The following SIK3 variants were observed in gnomAD, a reference collection of about 807,000 sequenced individuals.
SIK3 encodes serine/threonine-protein kinase SIK3.
In SIK3, 28 loss-of-function variants were observed where a neutral mutation model predicts 144.2. That is an observed-to-expected ratio of 0.19 (90% confidence interval 0.14 to 0.27). The LOEUF is 0.27. SIK3 is among the 10% of genes least tolerant of loss of function. SIK3 has a pLI of 1.00. For missense variants in SIK3, 1,319 were observed against 1,776.0 expected, an observed-to-expected ratio of 0.74 and a Z score of 4.62; for synonymous variants, 686 against 676.3, an observed-to-expected ratio of 1.01 and a Z score of -0.22.
intron 1 of SIK3, among the ~76,000 whole-genome samples, chr11:117,044,955 C>G (rs534421937): frequency 6.6e-6 from 1 of 152,136 alleles, no homozygotes; most frequent in Admixed American, 6.5e-5. Context: ...ATAACATCGG[C>G]AAATCAGCCA....
At chr11:117,006,424 A>T (rs1367518910) in intron 1 of SIK3, among the ~76,000 whole-genome samples, 1 of 151,866 alleles carries the variant, frequency 6.6e-6, no homozygotes, top group Non-Finnish European at 1.5e-5. Flanking sequence ...CTCCACTTGG[A>T]GACTACTCAA....
intron 3 of SIK3, among the ~76,000 whole-genome samples, chr11:116,943,159 C>A (rs1948406444): frequency 6.7e-6 from 1 of 148,304 alleles, no homozygotes; most frequent in African/African-American, 2.6e-5. Context: ...TCTAAATTAC[C>A]AGTAAAAGAC....
intron 1 of SIK3, among the ~76,000 whole-genome samples, chr11:117,022,773 C>T (rs1951830108): frequency 6.6e-6 from 1 of 151,302 alleles, no homozygotes; most frequent in East Asian, 1.9e-4. Context: ...ATTAGTCTCT[C>T]ATAGTCATCA....
intron 15 of SIK3, 92 bp from the exon 16 acceptor site, chr11:116,863,910 G>A (rs1297679663): frequency 6.7e-6 from 9 of 1,348,322 alleles, no homozygotes; most frequent in East Asian, 4.9e-5. Flanking sequence ...ACATAAAGAC[G>A]GCTGGCTGCC....
intron 1 of SIK3, among the ~76,000 whole-genome samples, chr11:117,031,521 T>TTTTA (rs1952260655): frequency 1.3e-5 from 1 of 78,262 alleles, no homozygotes; most frequent in South Asian, 3.1e-4. Context: ...ATTTTATTTT[T>TTTTA]ATTTTATTTA....
chr11:116,854,881 A>C (rs1169921860), intron 21 of SIK3, among the ~76,000 whole-genome samples: 1 of 151,996 alleles, frequency 6.6e-6, no homozygotes, highest in Non-Finnish European at 1.5e-5. Flanking sequence ...ACTTGAAGTC[A>C]GGAGTTCAAG....
At chr11:116,912,996 T>C (rs1946425178) in intron 4 of SIK3, among the ~76,000 whole-genome samples, 1 of 152,218 alleles carries the variant, frequency 6.6e-6, no homozygotes, top group Admixed American at 6.5e-5. Flanking sequence ...AAATCTGCTT[T>C]TCCTATATAA....
intron 1 of SIK3, among the ~76,000 whole-genome samples, chr11:117,021,928 CAAAAAAAAAAAAAAAAAAAAA>C (rs71037444): frequency 2.5e-4 from 15 of 59,008 alleles, no homozygotes; most frequent in East Asian, 1.3e-3. Context: ...TCTGTCTCTA[CAAAAAAAAAAAAAAAAAAAAA>C]AAAAAAAAAA....
intron 3 of SIK3, 43 bp downstream of exon 3, chr11:116,954,001 G>C: frequency 2.6e-6 from 4 of 1,528,304 alleles, no homozygotes; most frequent in Non-Finnish European, 2.7e-6. Context: ...GTTTGCCATA[G>C]TGTGCTCAAT....
At chr11:116,976,213 T>A (rs1482556590) in intron 1 of SIK3, among the ~76,000 whole-genome samples, 2 of 152,242 alleles carry the variant, frequency 1.3e-5, no homozygotes, top group African/African-American at 4.8e-5. Context: ...AATTTTGATG[T>A]AGTCCATTTA....
At chr11:116,880,697 T>C (rs549329104) in intron 6 of SIK3, among the ~76,000 whole-genome samples, 8 of 152,292 alleles carry the variant, frequency 5.3e-5, no homozygotes, top group South Asian at 4.1e-4. Context: ...ACGAGGGGAA[T>C]AGATGCTCTC....
At chr11:116,997,138 A>T (rs1453626228) in intron 1 of SIK3, among the ~76,000 whole-genome samples, 1 of 152,172 alleles carries the variant, frequency 6.6e-6, no homozygotes, top group African/African-American at 2.4e-5. Flanking sequence ...TTATTATTAG[A>T]TTACCTCTTT....
intron 3 of SIK3, among the ~76,000 whole-genome samples, chr11:116,936,395 CAAA>C (rs1947923151): frequency 6.6e-6 from 1 of 152,134 alleles, no homozygotes; most frequent in Non-Finnish European, 1.5e-5. Context: ...AGGCTGGTCT[CAAA>C]CTCTTTACCT....
At chr11:116,977,956 C>A (rs1950007030) in intron 1 of SIK3, among the ~76,000 whole-genome samples, 1 of 152,200 alleles carries the variant, frequency 6.6e-6, no homozygotes, top group Non-Finnish European at 1.5e-5. Flanking sequence ...CGGTGGCTCA[C>A]GCCTGTAATC....
chr11:117,025,433 A>G (rs928807391), intron 1 of SIK3, among the ~76,000 whole-genome samples: 3 of 152,160 alleles, frequency 2.0e-5, no homozygotes, highest in South Asian at 2.1e-4. Flanking sequence ...GTGAATAATC[A>G]TATCTATGCC....
intron 3 of SIK3, among the ~76,000 whole-genome samples, chr11:116,952,215 A>G (rs1185348839): frequency 6.6e-6 from 1 of 152,110 alleles, no homozygotes; most frequent in Non-Finnish European, 1.5e-5. Flanking sequence ...AGCCTGAACA[A>G]TATAGTGAGA....
intron 6 of SIK3, among the ~76,000 whole-genome samples, chr11:116,885,507 C>A (rs1457295678): frequency 6.6e-6 from 1 of 152,160 alleles, no homozygotes; most frequent in African/African-American, 2.4e-5. Context: ...TGAAAAGATC[C>A]TGGCTTGCTA....
intron 1 of SIK3, among the ~76,000 whole-genome samples, chr11:117,032,416 T>C (rs1327824952): frequency 1.3e-5 from 2 of 152,234 alleles, no homozygotes; most frequent in African/African-American, 2.4e-5. Context: ...TTCTTTTGAT[T>C]GAACTGTTAT....
At chr11:116,995,098 T>TCCAA (rs751735883) in intron 1 of SIK3, among the ~76,000 whole-genome samples, 1 of 151,776 alleles carries the variant, frequency 6.6e-6, no homozygotes, top group Non-Finnish European at 1.5e-5. Context: ...TGAAACCTTG[T>TCCAA]CTCTACAAAA....
Sources: gnomAD v4.1 joint callset for allele counts (sites outside exome capture counted in the v4.1 genomes callset) on GRCh38, gnomAD v4.1.1 for gene constraint, MANE v1.5 for transcripts, NCBI Gene and HGNC (gene_info 2026-07-23, HGNC 2026-07-21) for gene names.